NSMCE4A: variants seen among roughly 807,000 people sequenced by gnomAD.
NSMCE4A encodes the protein NSE4A component of SMC5/6 complex, also known as non-structural maintenance of chromosomes element 4 homolog A.
In NSMCE4A, 40 loss-of-function variants were observed where a neutral mutation model predicts 47.9. That is an observed-to-expected ratio of 0.83 (90% CI 0.65 to 1.09). The LOEUF (loss-of-function observed/expected upper bound fraction) is 1.09, where lower values mean the gene tolerates loss of function less well. Among genes scored for constraint, NSMCE4A ranks in the 50% least tolerant of loss-of-function variants. The probability of loss-of-function intolerance (pLI) is 0.00; values close to 1 mark genes in which losing one functional copy is unlikely to be tolerated. For missense variants in NSMCE4A, 500 were observed against 507.0 expected (o/e 0.99, Z 0.13); for synonymous variants, 166 against 178.5 (o/e 0.93, Z 0.56).
At chr10:121,971,415 C>CAGG (rs1453766868) in intron 2 of NSMCE4A, among the ~76,000 whole-genome samples, 20 of 152,154 alleles carry the variant, frequency 1.3e-4, no homozygotes, top group South Asian at 1.2e-3. Context: ...GAGGCTGAGG[C>CAGG]AGAATGGCGT....
At chr10:121,974,607 C>G in intron 1 of NSMCE4A, 1 of 1,053,732 alleles carries the variant, frequency 9.5e-7, no homozygotes, top group Admixed American at 5.4e-5. Flanking sequence ...TGGCTGGGCT[C>G]GGGCGAGTCC....
At chr10:121,974,491 G>GTGCCGC (rs1410890429) in intron 1 of NSMCE4A, 8 of 994,768 alleles carry the variant, frequency 8.0e-6, no homozygotes, top group Admixed American at 6.1e-5. Context: ...CAGCTCTCGC[G>GTGCCGC]TGCCGCTGCA....
At chr10:121,964,827 C>T (rs1025513018) in intron 5 of NSMCE4A, among the ~76,000 whole-genome samples, 1 of 152,136 alleles carries the variant, frequency 6.6e-6, no homozygotes, top group Non-Finnish European at 1.5e-5. Flanking sequence ...TAGCAAAATA[C>T]AAAAGGGCGG....
intron 3 of NSMCE4A, among the ~76,000 whole-genome samples, chr10:121,969,489 A>AT (rs1399084163): frequency 1.5e-5 from 2 of 129,988 alleles, no homozygotes; most frequent in East Asian, 4.5e-4. Flanking sequence ...ATGTTTCACA[A>AT]TAAAAAAAAG....
At chr10:121,968,531 T>C (rs538311093) in intron 3 of NSMCE4A, among the ~76,000 whole-genome samples, 1 of 152,340 alleles carries the variant, frequency 6.6e-6, no homozygotes, top group East Asian at 1.9e-4. Flanking sequence ...CCGGCATCAC[T>C]GAGAGAATGG....
intron 6 of NSMCE4A, chr10:121,962,119 A>G (rs1418392689): frequency 7.4e-6 from 3 of 402,792 alleles, no homozygotes; most frequent in African/African-American, 2.2e-5. Context: ...TAAAAAAAAA[A>G]AAAAAAAATA....
chr10:121,961,486 C>A lies in NSMCE4A; in HGVS notation c.876G>T (p.Val292=). The change falls in exon 7 of 11, where the codon GTG becomes GTT. Residue 292 remains valine (V), a synonymous_variant. Transcript: ENST00000369023. ...PDTPMSFFDF[V]VDPHSFPRTV... ...TACGGGGGAAAGAATGAGGATCAAC[C>A]ACAAAGTCAAAGAAGGACATTGGGG... The A allele has an allele frequency of 6.4e-7, 1 of 1,566,596 alleles. No individual in the cohort carries two copies. The highest frequency in any genetic ancestry group is 1.2e-5 in the South Asian group (1 of 82,860).
At chr10:121,966,093 AAATT>A (rs1366421878) in intron 4 of NSMCE4A, 2 of 152,206 alleles carry the variant, frequency 1.3e-5, no homozygotes, top group Non-Finnish European at 2.9e-5. Flanking sequence ...ATAAAAAAAT[AAATT>A]AATCAAATTT....
intron 5 of NSMCE4A, 98 bp downstream of exon 5, chr10:121,965,188 C>T: frequency 1.5e-6 from 1 of 667,906 alleles, no homozygotes; most frequent in Admixed American, 3.4e-5. Flanking sequence ...GGCTCCAGAC[C>T]CGCACACTTA....
Position 121,974,041 on chromosome 10 carries a change from T to C in NSMCE4A, c.333A>G (p.Thr111=). ...GAGTGTTAGCCTCTTCAAGGACCTC[T>C]GTTAATTTGTCACCGGCATTCAGTA... The part of the protein sequence containing the change: ...EDILNAGDKL[T]EVLEEANTLF... The change falls in exon 2 of 11, where the codon ACA becomes ACG. Residue 111 remains threonine (T), a synonymous_variant. Coordinates refer to ENST00000369023, the MANE Select transcript of NSMCE4A (RefSeq NM_017615.3). 1 of 1,606,250 alleles carries C rather than the reference T, an allele frequency of 6.2e-7. No individual in the cohort carries two copies. The highest frequency in any genetic ancestry group is 1.1e-5 in the South Asian group (1 of 90,044).
At chr10:121,964,994 TACA>T (rs1291400406) in intron 5 of NSMCE4A, among the ~76,000 whole-genome samples, 7 of 152,098 alleles carry the variant, frequency 4.6e-5, no homozygotes, top group African/African-American at 1.7e-4. Context: ...CTAAGCATCC[TACA>T]ATGCGCAGGA....
rs143527895 is a variant in NSMCE4A, at chr10:121,964,095, C to CAAAAAA, written c.754-773_754-768dup. ...CGGGTGATAGGGCAAGACTCTGTCT[C>CAAAAAA]AAAAAAAATTATGGTTTAAAAAAAA... On this transcript the variant is annotated intron_variant, in intron 5 of 10. Transcript: ENST00000369023. Among the ~76,000 whole-genome samples the CAAAAAA allele has an allele frequency of 7.7e-5, 9 of 117,268 alleles. 1 individual carries two copies. The highest frequency in any genetic ancestry group is 9.5e-5 in the Admixed American group (1 of 10,496). The allele number at this position is 117,268 out of a possible 152,430, so 76.9% of individuals were successfully genotyped here. A position where few individuals can be genotyped will look rare whatever the true frequency, so the allele number is the denominator to read the frequency against.
intron 2 of NSMCE4A, among the ~76,000 whole-genome samples, chr10:121,973,595 G>C (rs1952759454): frequency 6.6e-6 from 1 of 152,188 alleles, no homozygotes; most frequent in African/African-American, 2.4e-5. Flanking sequence ...ACCAATAGCA[G>C]GGAGCTGAGG....
chr10:121,969,328 G>C (rs191816524), intron 3 of NSMCE4A, among the ~76,000 whole-genome samples: 25 of 151,798 alleles, frequency 1.6e-4, no homozygotes, highest in Non-Finnish European at 3.1e-4. Flanking sequence ...CTCCAGCATG[G>C]GCAACACTCC....
At chr10:121,971,991 A>G (rs762593023) in intron 2 of NSMCE4A, among the ~76,000 whole-genome samples, 10 of 152,196 alleles carry the variant, frequency 6.6e-5, no homozygotes, top group Non-Finnish European at 1.0e-4. Flanking sequence ...AGGACATGGG[A>G]TTTAAGAAAA....
intron 2 of NSMCE4A, among the ~76,000 whole-genome samples, chr10:121,973,391 GCAGA>G (rs1952755050): frequency 6.6e-6 from 1 of 152,148 alleles, no homozygotes. Context: ...CTGTCACCAA[GCAGA>G]CAGACAGCTG....
intron 7 of NSMCE4A, 77 bp downstream of exon 7, chr10:121,961,346 G>T: frequency 2.0e-6 from 2 of 977,724 alleles, no homozygotes; most frequent in South Asian, 1.6e-5. Context: ...ACCTTTGCCA[G>T]CTCCCTTCTA....
chr10:121,971,314 T>C (rs1952705856), intron 2 of NSMCE4A, among the ~76,000 whole-genome samples: 1 of 151,892 alleles, frequency 6.6e-6, no homozygotes, highest in Admixed American at 6.6e-5. Flanking sequence ...ATCGAGACCA[T>C]CCTGGCTAAC....
chr10:121,973,494 TCTCA>T lies in NSMCE4A; in HGVS notation c.370+506_370+509del, dbSNP rs539649960. ...CTAGAGTTCAGTGCTCTGGGATCTCTCTCACTCACTCACTCACACACAACACACC... is the reference window on the plus strand; with the variant it reads ...CTAGAGTTCAGTGCTCTGGGATCTCTCTCACTCACTCACACACAACACACC... On this transcript the variant is annotated intron_variant, in intron 2 of 10. Coordinates refer to ENST00000369023, the MANE Select transcript of NSMCE4A (RefSeq NM_017615.3). Among the ~76,000 whole-genome samples, 487 of 152,264 alleles carry T rather than the reference TCTCA, an allele frequency of 3.2e-3. 6 individuals are homozygous for T. The highest frequency in any genetic ancestry group is 0.018 in the East Asian group (93 of 5,176).
Sources: gnomAD v4.1 joint callset for allele counts (sites outside exome capture counted in the v4.1 genomes callset) on GRCh38, gnomAD v4.1.1 for gene constraint, MANE v1.5 for transcripts, NCBI Gene and HGNC (gene_info 2026-07-23, HGNC 2026-07-21) for gene names.